RPSA2: variants seen among roughly 807,000 people sequenced by gnomAD.
RPSA2 encodes the protein ribosomal protein SA 2, also known as small ribosomal subunit protein uS2B.
At chr19:23,770,237 T>C in the RPSA2 span, among the ~76,000 whole-genome samples, 1 of 152,204 alleles carries the variant, frequency 6.6e-6, no homozygotes, top group Non-Finnish European at 1.5e-5. Context: ...CTCATAGTTC[T>C]CTATGGATTG....
At chr19:23,805,452 C>G in the RPSA2 span, among the ~76,000 whole-genome samples, 1 of 152,160 alleles carries the variant, frequency 6.6e-6, no homozygotes, top group Non-Finnish European at 1.5e-5. Flanking sequence ...CATGAGCCAC[C>G]TTGCCCAGCT....
the RPSA2 span, among the ~76,000 whole-genome samples, chr19:23,845,368 C>G: frequency 6.6e-6 from 1 of 150,570 alleles, no homozygotes; most frequent in Admixed American, 6.6e-5. Flanking sequence ...TGTAAGCTTT[C>G]TACTTTTTTG....
the RPSA2 span, among the ~76,000 whole-genome samples, chr19:23,825,121 A>G: frequency 6.6e-6 from 1 of 152,086 alleles, no homozygotes; most frequent in Admixed American, 6.5e-5. Context: ...CTGGGAGTAC[A>G]GGTGCCCGCC....
chr19:23,782,118 T>C, the RPSA2 span: 1 of 152,414 alleles, frequency 6.6e-6, no homozygotes, highest in African/African-American at 2.4e-5. Flanking sequence ...ACCCAGGTGA[T>C]GTAACGCTTC....
At chr19:23,844,109 C>T in the RPSA2 span, among the ~76,000 whole-genome samples, 103 of 152,204 alleles carry the variant, frequency 6.8e-4, 2 homozygotes, top group South Asian at 0.021. Flanking sequence ...GAAGTGATAG[C>T]TCATCGTTGT....
At chr19:23,771,664 A>G in the RPSA2 span, among the ~76,000 whole-genome samples, 1 of 152,088 alleles carries the variant, frequency 6.6e-6, no homozygotes, top group Admixed American at 6.6e-5. Flanking sequence ...CACAGAGGGC[A>G]TTGGACATAT....
chr19:23,831,337 G>A, the RPSA2 span, among the ~76,000 whole-genome samples: 6 of 152,250 alleles, frequency 3.9e-5, no homozygotes, highest in East Asian at 1.2e-3. Context: ...AAGCTGTGTT[G>A]GGTGAATTTA....
chr19:23,800,706 T>C, the RPSA2 span, among the ~76,000 whole-genome samples: 14 of 151,924 alleles, frequency 9.2e-5, no homozygotes, highest in Non-Finnish European at 2.9e-5. Context: ...CTCCACCTCC[T>C]GGGTTTAAGT....
chr19:23,797,154 A>C, the RPSA2 span, among the ~76,000 whole-genome samples: 1 of 151,968 alleles, frequency 6.6e-6, no homozygotes. Flanking sequence ...CTTGCTGCCC[A>C]GGCCAAGTGC....
the RPSA2 span, among the ~76,000 whole-genome samples, chr19:23,793,997 C>T: frequency 1.3e-5 from 2 of 152,100 alleles, no homozygotes; most frequent in African/African-American, 4.8e-5. Flanking sequence ...GTCTTAAACT[C>T]CTGAGCTCAG....
chr19:23,836,391 C>T, the RPSA2 span, among the ~76,000 whole-genome samples: 558 of 151,862 alleles, frequency 3.7e-3, 3 homozygotes, highest in African/African-American at 0.013. Context: ...ACACACACAC[C>T]CCACAGTTTC....
the RPSA2 span, among the ~76,000 whole-genome samples, chr19:23,765,073 G>A: frequency 3.3e-5 from 5 of 152,212 alleles, no homozygotes; most frequent in East Asian, 9.6e-4. Context: ...CCTCTCAGAA[G>A]AGCAACTGGA....
At chr19:23,858,776 C>A in the RPSA2 span, among the ~76,000 whole-genome samples, 11 of 152,166 alleles carry the variant, frequency 7.2e-5, no homozygotes, top group African/African-American at 2.4e-4. Flanking sequence ...AAGAAGCAGG[C>A]AACACAGTGC....
the RPSA2 span, among the ~76,000 whole-genome samples, chr19:23,759,052 A>G: frequency 4.6e-5 from 7 of 152,274 alleles, no homozygotes; most frequent in African/African-American, 1.7e-4. Flanking sequence ...AATGAAGACT[A>G]ACAACGTAAG....
At chr19:23,765,636 G>A in the RPSA2 span, among the ~76,000 whole-genome samples, 2 of 152,176 alleles carry the variant, frequency 1.3e-5, 1 homozygote, top group African/African-American at 4.8e-5. Flanking sequence ...GAGCCTATTG[G>A]AGGAGGGAGA....
chr19:23,800,283 C>T, the RPSA2 span, among the ~76,000 whole-genome samples: 7 of 152,004 alleles, frequency 4.6e-5, no homozygotes, highest in South Asian at 4.2e-4. Context: ...ATTTCATGAT[C>T]GACCCGCCTT....
At chr19:23,771,708 C>G in the RPSA2 span, among the ~76,000 whole-genome samples, 1 of 152,146 alleles carries the variant, frequency 6.6e-6, no homozygotes, top group Non-Finnish European at 1.5e-5. Context: ...TGTGACTTTT[C>G]TCTACTTCCT....
chr19:23,778,904 A>C, the RPSA2 span, among the ~76,000 whole-genome samples: 1 of 149,928 alleles, frequency 6.7e-6, no homozygotes, highest in East Asian at 2.0e-4. Flanking sequence ...TCCTACCCAC[A>C]GAGGTCATTG....
chr19:23,855,241 C>T, the RPSA2 span, among the ~76,000 whole-genome samples: 1 of 152,144 alleles, frequency 6.6e-6, no homozygotes, highest in African/African-American at 2.4e-5. Flanking sequence ...TTAGCTGAGC[C>T]TGCAGACGGG....
Sources: allele counts gnomAD v4.1 joint callset (sites outside exome capture counted in the v4.1 genomes callset), GRCh38; gene constraint gnomAD v4.1.1; transcripts MANE v1.5; gene names NCBI Gene and HGNC (gene_info 2026-07-23, HGNC 2026-07-21).